The following ABI1 variants were observed in gnomAD, a reference collection of about 807,000 sequenced individuals.
ABI1 encodes the protein abl interactor 1, also known as Abelson interactor 1.
In ABI1, 14 loss-of-function variants were observed where a neutral mutation model predicts 54.6. The observed-to-expected ratio is 0.26, with a 90% CI of 0.17 to 0.40. The LOEUF (loss-of-function observed/expected upper bound fraction) is 0.40. Ranked by LOEUF, ABI1 falls within the 10% of genes least tolerant of loss-of-function variation. The pLI, the probability that ABI1 is intolerant of heterozygous loss-of-function variation, is 1.00. For synonymous variants in ABI1, 194 were observed against 209.3 expected (o/e 0.93, Z 0.63); for missense variants, 443 against 598.3 (o/e 0.74, Z 2.71).
At chr10:26,813,417 A>G (rs1034632205) in intron 2 of ABI1, among the ~76,000 whole-genome samples, 1 of 152,184 alleles carries the variant, frequency 6.6e-6, no homozygotes, top group African/African-American at 2.4e-5. Context: ...CAAAAAATGT[A>G]TGACGGAGAG....
Position 26,759,248 on chromosome 10 carries a change from A to G in ABI1, c.821-10T>C, listed in dbSNP as rs1838775091. On this transcript the variant is annotated splice_polypyrimidine_tract_variant and intron_variant, in intron 7 of 10. Transcript: ENST00000376140. Reference sequence around the variant, plus strand: ...GCTGAGCCCGGGGCTGCTGAAAAGCATTAGTCAAAGGCAACCAACAAAGAG... The same window carrying G: ...GCTGAGCCCGGGGCTGCTGAAAAGCGTTAGTCAAAGGCAACCAACAAAGAG... 2.5e-6 allele frequency: 4 copies of G among 1,612,440 alleles called. No individual in the cohort carries two copies. In the East Asian group the frequency reaches 8.9e-5, roughly 36 times the overall value.
chr10:26,845,810 T>A (rs200284684), intron 1 of ABI1, among the ~76,000 whole-genome samples: 1 of 151,552 alleles, frequency 6.6e-6, no homozygotes, highest in African/African-American at 2.4e-5. Context: ...AGAAAAATAA[T>A]AGTCACAGTC....
chr10:26,751,185 G>GA (rs1191280113), intron 10 of ABI1, among the ~76,000 whole-genome samples: 2 of 152,126 alleles, frequency 1.3e-5, no homozygotes, highest in Non-Finnish European at 2.9e-5. Context: ...TCATAAAGTT[G>GA]AAAAGATCCT....
intron 1 of ABI1, among the ~76,000 whole-genome samples, chr10:26,835,917 CT>C (rs1349594947): frequency 6.6e-6 from 1 of 151,206 alleles, no homozygotes; most frequent in Non-Finnish European, 1.5e-5. Flanking sequence ...GTCTGGCTAA[CT>C]TTTTTTGCAT....
intron 9 of ABI1, among the ~76,000 whole-genome samples, chr10:26,754,386 T>C (rs1395265216): frequency 1.3e-5 from 2 of 152,218 alleles, no homozygotes; most frequent in Admixed American, 1.3e-4. Context: ...TTTTAAATGT[T>C]TGCACACATT....
In ABI1 at chr10:26,823,273, G is replaced by A; in HGVS notation, c.150C>T (p.Thr50=). 1.3e-6 allele frequency: 2 copies of A among 1,579,388 alleles called. No individual in the cohort carries two copies. Among genetic ancestry groups the A allele is most frequent in the South Asian group, 1.2e-5 (1 of 83,144 alleles). ...ATDKRKALEE[T]KAYTTQSLAS... The stretch of plus-strand genomic sequence containing the variant: ...CTAGAGATTGGGTTGTATAGGCTTT[G>A]GTCTCCTCTAAAGCTTTTCTCTTGT... Residue 50 remains threonine (T), a synonymous_variant, in exon 2 of 11, where the codon ACC becomes ACT. Transcript: ENST00000376140.
intron 5 of ABI1, among the ~76,000 whole-genome samples, chr10:26,769,331 A>ACTG (rs1840365376): frequency 6.6e-6 from 1 of 152,186 alleles, no homozygotes; most frequent in African/African-American, 2.4e-5. Context: ...CCCATAAGCC[A>ACTG]CTGTTCTTTA....
intron 10 of ABI1, among the ~76,000 whole-genome samples, chr10:26,749,412 C>T (rs747656923): frequency 2.6e-5 from 4 of 152,116 alleles, no homozygotes; most frequent in African/African-American, 7.2e-5. Context: ...TTTACATATG[C>T]GTAATGAGAC....
Position 26,748,743 on chromosome 10 carries a change from C to T in ABI1, c.1273G>A (p.Val425Ile), listed in dbSNP as rs1002991140. 6.2e-7 allele frequency: 1 copy of T among 1,606,352 alleles called. No homozygotes were observed. The highest frequency in any genetic ancestry group is 1.3e-5 in the African/African-American group (1 of 74,628). ...TCTTTTGTATAATCATATATTGCAA[C>T]AACTATGGAAAAAACAGTTGAAATA... is the stretch of plus-strand genomic sequence containing the variant. The part of the protein sequence containing the change: ...WAPKNYIEKV[V>I]AIYDYTKDKD... Residue 425 changes from valine (V) to isoleucine (I), a missense_variant and splice_region_variant, in exon 11 of 11, where the codon GTT (valine) becomes ATT (isoleucine). By Grantham distance (29) the Val-to-Ile change is conservative. This residue lies in a region of ABI1 where 49 missense variants were observed against 113.5 expected (regional missense o/e 0.43). Transcript: ENST00000376140.
chr10:26,836,361 C>T (rs771256797), intron 1 of ABI1, among the ~76,000 whole-genome samples: 33 of 152,204 alleles, frequency 2.2e-4, no homozygotes, highest in Non-Finnish European at 3.4e-4. Flanking sequence ...AATCCACCTG[C>T]CTCAGCCTCC....
intron 1 of ABI1, among the ~76,000 whole-genome samples, chr10:26,850,410 A>C (rs950023916): frequency 1.3e-5 from 2 of 152,210 alleles, no homozygotes; most frequent in Non-Finnish European, 2.9e-5. Flanking sequence ...CTGTAATCCC[A>C]GCACTTTGGG....
In ABI1 at chr10:26,765,305, CTCCACTACT is replaced by C; in HGVS notation, c.724_732del (p.Ser242_Gly244del). 6.3e-7 allele frequency: 1 copy of C among 1,586,760 alleles called. No individual in the cohort carries two copies. Among genetic ancestry groups the C allele is most frequent in the Non-Finnish European group, 8.5e-7 (1 of 1,172,360 alleles). On this transcript the variant is annotated inframe_deletion, in exon 7 of 11. Coordinates refer to ENST00000376140, the MANE Select transcript of ABI1 (RefSeq NM_001012750.3). ...CCACTGTTTTCTCGACTTCCACTTC[CTCCACTACT>C]TCCACTGAAAAGAAAAAAAAAAACT... is the stretch of plus-strand genomic sequence containing the variant.
chr10:26,834,625 T>A (rs2048918921), intron 1 of ABI1, among the ~76,000 whole-genome samples: 1 of 150,692 alleles, frequency 6.6e-6, no homozygotes, highest in Admixed American at 6.6e-5. Context: ...CAAACAGGTA[T>A]GTGAAAAAAT....
At chr10:26,794,106 T>C (rs1266326230) in intron 2 of ABI1, among the ~76,000 whole-genome samples, 1 of 151,918 alleles carries the variant, frequency 6.6e-6, no homozygotes, top group East Asian at 1.9e-4. Flanking sequence ...TAGCCGGGCA[T>C]GACATGTGCG....
intron 2 of ABI1, among the ~76,000 whole-genome samples, chr10:26,797,430 G>A (rs1844333251): frequency 6.6e-6 from 1 of 152,206 alleles, no homozygotes. Context: ...AATTCCGCTT[G>A]TCATTGTAAT....
intron 2 of ABI1, among the ~76,000 whole-genome samples, chr10:26,816,888 C>A (rs545952485): frequency 2.0e-5 from 3 of 152,018 alleles, no homozygotes; most frequent in Admixed American, 6.6e-5. Flanking sequence ...ACTGCCTATA[C>A]ATAAAATGTA....
At chr10:26,811,050 C>T (rs1041011343) in intron 2 of ABI1, among the ~76,000 whole-genome samples, 1 of 151,904 alleles carries the variant, frequency 6.6e-6, no homozygotes, top group African/African-American at 2.4e-5. Context: ...TTTCAGATAT[C>T]TAAAATATAT....
At chr10:26,770,440 AATTAAGG>A in intron 4 of ABI1, 95 bp from the exon 5 acceptor site, 6 of 1,200,062 alleles carry the variant, frequency 5.0e-6, no homozygotes, top group Middle Eastern at 1.9e-4. Flanking sequence ...TCAGAATGTG[AATTAAGG>A]ATTCCCAGAC....
At chr10:26,762,889 T>C (rs1213963011) in intron 7 of ABI1, among the ~76,000 whole-genome samples, 1 of 152,234 alleles carries the variant, frequency 6.6e-6, no homozygotes, top group African/African-American at 2.4e-5. Context: ...AATAAATTAC[T>C]TTCTGAAGTG....
Sources: gnomAD v4.1 joint callset for allele counts (sites outside exome capture counted in the v4.1 genomes callset) on GRCh38, gnomAD v4.1.1 for gene constraint, gnomAD v4.1.1 regional missense constraint, MANE v1.5 for transcripts, NCBI Gene and HGNC (gene_info 2026-07-23, HGNC 2026-07-21) for gene names.